Variants in DNAH6 observed in about 807,000 individuals in gnomAD.
DNAH6 encodes the protein dynein axonemal heavy chain 6, also known as axonemal beta dynein heavy chain 6.
Under a neutral mutation model 491.4 loss-of-function variants are expected in DNAH6, and 340 were observed. That is an observed-to-expected ratio of 0.69 (90% CI 0.63 to 0.76). The LOEUF (loss-of-function observed/expected upper bound fraction) is 0.76. DNAH6 is among the 30% of genes least tolerant of loss of function. The probability of loss-of-function intolerance (pLI) is 0.00; values close to 1 mark genes in which losing one functional copy is unlikely to be tolerated. For synonymous variants in DNAH6, 1,603 were observed against 1,686.1 expected (o/e 0.95, Z 1.21); for missense variants, 4,443 against 4,972.2 (o/e 0.89, Z 3.20).
the DNAH6 span, among the ~76,000 whole-genome samples, chr2:84,510,091 C>T: frequency 1.3e-5 from 2 of 152,112 alleles, no homozygotes; most frequent in Non-Finnish European, 2.9e-5. Context: ...TTGTGGTGTT[C>T]TCTGTATTTC....
At chr2:84,601,066 A>G (rs888012111) in intron 18 of DNAH6, among the ~76,000 whole-genome samples, 7 of 149,260 alleles carry the variant, frequency 4.7e-5, no homozygotes, top group South Asian at 2.1e-4. Context: ...TTATTATACT[A>G]TAAGGAATCC....
intron 50 of DNAH6, among the ~76,000 whole-genome samples, chr2:84,703,811 G>A (rs1034900721): frequency 9.9e-5 from 15 of 151,976 alleles, no homozygotes; most frequent in African/African-American, 3.6e-4. Context: ...AGAGAATTGT[G>A]AGAAAAGCAC....
chr2:84,661,626 T>C (rs1168474155), intron 37 of DNAH6, among the ~76,000 whole-genome samples: 2 of 152,108 alleles, frequency 1.3e-5, no homozygotes, highest in African/African-American at 4.8e-5. Flanking sequence ...TTACAAAACA[T>C]TGTTGAGAGA....
chr2:84,712,999 A>T, intron 56 of DNAH6, 96 bp from the exon 57 acceptor site: 1 of 1,020,902 alleles, frequency 9.8e-7, no homozygotes, highest in Non-Finnish European at 1.4e-6. Context: ...TTATTCATTC[A>T]CAGTACATTT....
chr2:84,725,829 G>A (rs1698572455), intron 60 of DNAH6, among the ~76,000 whole-genome samples: 1 of 152,084 alleles, frequency 6.6e-6, no homozygotes, highest in Non-Finnish European at 1.5e-5. Context: ...TTTTATTTTG[G>A]TACCATATTA....
chr2:84,549,624 T>A (rs1044427301), intron 8 of DNAH6, among the ~76,000 whole-genome samples: 3 of 152,238 alleles, frequency 2.0e-5, no homozygotes, highest in Non-Finnish European at 2.9e-5. Context: ...CTAACAGCTA[T>A]ATCACTCATT....
chr2:84,559,199 T>G lies in DNAH6; in HGVS notation c.1803+1264T>G, dbSNP rs564816506. On this transcript the variant is annotated intron_variant, in intron 11 of 76. Coordinates refer to ENST00000389394, the MANE Select transcript of DNAH6 (RefSeq NM_001370.2). Reference sequence around the variant, plus strand: ...CAGCCAGAAAGAAGCCCATCCTACATGCAGAAATGATTTTAAAAAGTCCTG... The same window carrying G: ...CAGCCAGAAAGAAGCCCATCCTACAGGCAGAAATGATTTTAAAAAGTCCTG... Among the ~76,000 whole-genome samples, 7 of 152,296 alleles carry G rather than the reference T, an allele frequency of 4.6e-5. No individual in the cohort carries two copies. The South Asian group carries it at 1.0e-3, about 23-fold the overall frequency.
intron 4 of DNAH6, among the ~76,000 whole-genome samples, chr2:84,529,972 G>T (rs1677000832): frequency 6.6e-6 from 1 of 152,174 alleles, no homozygotes; most frequent in African/African-American, 2.4e-5. Flanking sequence ...AATTTAAAAT[G>T]ACAGATGTGT....
chr2:84,487,250 C>T, the DNAH6 span, among the ~76,000 whole-genome samples: 14 of 152,206 alleles, frequency 9.2e-5, no homozygotes, highest in South Asian at 2.1e-4. Flanking sequence ...ATCTACCCAT[C>T]CTCTGGTCCA....
At chr2:84,507,786 A>C in the DNAH6 span, among the ~76,000 whole-genome samples, 8 of 152,258 alleles carry the variant, frequency 5.3e-5, no homozygotes, top group South Asian at 1.7e-3. Context: ...AGCATTGTTG[A>C]ATGTTGTCAA....
intron 47 of DNAH6, among the ~76,000 whole-genome samples, chr2:84,699,195 G>GAA (rs537801217): frequency 6.9e-6 from 1 of 144,066 alleles, no homozygotes; most frequent in African/African-American, 2.5e-5. Context: ...AGTTGAAAAA[G>GAA]AAAAAAAAAA....
intron 54 of DNAH6, among the ~76,000 whole-genome samples, 173 bp downstream of exon 54, chr2:84,707,889 CCCCTAGGCTTT>C (rs1053928493): frequency 6.6e-6 from 1 of 152,168 alleles, no homozygotes; most frequent in African/African-American, 2.4e-5. Context: ...TGATGGTCTA[CCCCTAGGCTTT>C]CCTTAACACG....
upstream of DNAH6, among the ~76,000 whole-genome samples, chr2:84,516,155 C>T (rs544119001): frequency 2.0e-5 from 3 of 152,312 alleles, no homozygotes; most frequent in East Asian, 1.9e-4. Flanking sequence ...GTCAGTCTTA[C>T]GCCTCTTGAA....
chr2:84,556,553 T>C (rs530866410), intron 10 of DNAH6, among the ~76,000 whole-genome samples: 2 of 152,212 alleles, frequency 1.3e-5, no homozygotes, highest in African/African-American at 4.8e-5. Flanking sequence ...CTAATTAGAC[T>C]TTATATTTAT....
intron 15 of DNAH6, among the ~76,000 whole-genome samples, chr2:84,585,455 C>T (rs1683441050): frequency 6.6e-6 from 1 of 152,166 alleles, no homozygotes; most frequent in Admixed American, 6.5e-5. Flanking sequence ...AGTGTTAGAA[C>T]AGCTCGGAGG....
intron 57 of DNAH6, 109 bp downstream of exon 57, chr2:84,713,368 C>T (rs1381437395): frequency 1.8e-6 from 2 of 1,085,778 alleles, no homozygotes; most frequent in East Asian, 5.2e-5. Flanking sequence ...CCCCATTCTC[C>T]CCTGTCTCCT....
At chr2:84,523,291 C>G (rs1368269828) in intron 2 of DNAH6, among the ~76,000 whole-genome samples, 1 of 151,920 alleles carries the variant, frequency 6.6e-6, no homozygotes, top group Non-Finnish European at 1.5e-5. Flanking sequence ...GTGGGGTAAG[C>G]AATAATATCC....
chr2:84,638,283 T>A (rs150219030), intron 31 of DNAH6, among the ~76,000 whole-genome samples: 1 of 152,098 alleles, frequency 6.6e-6, no homozygotes, highest in Non-Finnish European at 1.5e-5. Context: ...TAGTTGGGAC[T>A]ACAGGTACAT....
chr2:84,550,195 G>A (rs1406858275), intron 9 of DNAH6, 138 bp downstream of exon 9: 1 of 674,278 alleles, frequency 1.5e-6, no homozygotes, highest in African/African-American at 1.8e-5. Context: ...CCAACATTTT[G>A]GACACCAGAG....
Sources: allele counts gnomAD v4.1 joint callset (sites outside exome capture counted in the v4.1 genomes callset), GRCh38; gene constraint gnomAD v4.1.1; transcripts MANE v1.5; gene names NCBI Gene and HGNC (gene_info 2026-07-23, HGNC 2026-07-21).